TSPAN32: variants seen among roughly 807,000 people sequenced by gnomAD.
TSPAN32 encodes the protein tetraspanin 32, also known as tetraspanin-32.
A neutral mutation model predicts 42.7 loss-of-function variants in TSPAN32; 47 were observed. The ratio of observed to expected loss-of-function variants is 1.10; its 90% CI spans 0.87 to 1.40. The LOEUF is 1.40. Among genes scored for constraint, TSPAN32 ranks in the 40% most tolerant of loss-of-function variants. TSPAN32 has a pLI of 0.00. For missense variants in TSPAN32, 469 were observed against 424.1 expected (o/e 1.11, Z -0.93); for synonymous variants, 175 against 175.9 (o/e 0.99, Z 0.04).
chr11:2,312,539 C>T (rs1404101615), intron 4 of TSPAN32, among the ~76,000 whole-genome samples: 2 of 152,212 alleles, frequency 1.3e-5, no homozygotes, highest in Non-Finnish European at 2.9e-5. Flanking sequence ...CCAAGTTTGG[C>T]CTGGAAAGTC....
rs1055564530 is a variant in TSPAN32 at position 2,313,822 on chromosome 11, G to A, written c.456+67G>A. 3.1e-6 allele frequency: 4 copies of A among 1,289,270 alleles called. No homozygotes were observed. The highest frequency in any genetic ancestry group is 4.3e-6 in the Non-Finnish European group (4 of 925,810). The allele number at this position is 1,289,270 out of a possible 1,614,324, so 79.9% of individuals were successfully genotyped here. ...GCTTGGACTGCAGTTCAGAGAACAG[G>A]CGCAGGGTGGCCAGTGAGAGGTCTG... On this transcript the variant is annotated intron_variant, in intron 5 of 9. Coordinates refer to ENST00000182290, the MANE Select transcript of TSPAN32 (RefSeq NM_139022.3). The surrounding 1 kb of genome is among the most constrained non-coding windows in gnomAD (Gnocchi z 9.1).
intron 3 of TSPAN32, among the ~76,000 whole-genome samples, chr11:2,306,507 C>T (rs773302370): frequency 6.6e-6 from 1 of 151,880 alleles, no homozygotes; most frequent in Non-Finnish European, 1.5e-5. Context: ...CCATCCACCA[C>T]CCAAGATCCT....
chr11:2,312,257 C>G (rs1019190520), intron 4 of TSPAN32, among the ~76,000 whole-genome samples: 6 of 152,220 alleles, frequency 3.9e-5, no homozygotes, highest in Admixed American at 2.6e-4. Flanking sequence ...TCCGAGCCAA[C>G]CCCCGGGCCC....
At chr11:2,308,431 C>T (rs1241157119) in intron 3 of TSPAN32, among the ~76,000 whole-genome samples, 9 of 95,340 alleles carry the variant, frequency 9.4e-5, no homozygotes, top group African/African-American at 3.9e-4. Flanking sequence ...ACCGGCCCCC[C>T]GCAGTGACCA....
chr11:2,316,547 T>C (rs1250024799), intron 7 of TSPAN32, 29 bp from the exon 8 acceptor site: 4 of 1,604,570 alleles, frequency 2.5e-6, no homozygotes, highest in Non-Finnish European at 3.4e-6. Context: ...CCTGGGGCAG[T>C]GGGGCAGCCG....
At position 2,308,684 on chromosome 11, in the gene TSPAN32, GC is replaced by G. The variant is rs562474584; in HGVS notation, c.280-46del. On this transcript the variant is annotated intron_variant, in intron 3 of 9. Coordinates refer to ENST00000182290, the MANE Select transcript of TSPAN32 (RefSeq NM_139022.3). ...GACCGGCCCCCCCCAGCAGCGACCA[GC>G]CCCCCGCAGTGACCAGCCCTCAACA... 4,085 of 689,078 alleles carry G rather than the reference GC, an allele frequency of 5.9e-3. 163 individuals are homozygous for G. The highest frequency in any genetic ancestry group is 0.032 in the Middle Eastern group (69 of 2,176). 42.7% of individuals were successfully genotyped at this position (689,078 alleles called of 1,614,324 possible). A position where few individuals can be genotyped will look rare whatever the true frequency, so the allele number is the denominator to read the frequency against.
rs1847873519 is a variant in TSPAN32 at position 2,303,289 on chromosome 11, ACTGGCCTGGGG to A, written c.181+336_181+346del. ...GGGCTCAGTCCCAGGCAGGCCTGGG[ACTGGCCTGGGG>A]CTGGGCACAGCAGGTCCATGAGGGC... On this transcript the variant is annotated intron_variant, in intron 2 of 9. Coordinates refer to ENST00000182290, the MANE Select transcript of TSPAN32 (RefSeq NM_139022.3). 19 of 217,288 alleles carry A rather than the reference ACTGGCCTGGGG, an allele frequency of 8.7e-5. No individual in the cohort carries two copies. In the South Asian group the frequency reaches 1.0e-3, roughly 12 times the overall value. The allele number at this position is 217,288 out of a possible 1,614,324, so 13.5% of individuals were successfully genotyped here. A position where few individuals can be genotyped will look rare whatever the true frequency, so the allele number is the denominator to read the frequency against.
At chr11:2,306,365 G>A (rs1848088912) in intron 3 of TSPAN32, among the ~76,000 whole-genome samples, 4 of 152,102 alleles carry the variant, frequency 2.6e-5, no homozygotes, top group African/African-American at 7.2e-5. Context: ...GCCGCCCAAG[G>A]AAGCACATTC....
At chr11:2,303,459 G>GAGCCTGCTGGGGCCAC (rs1318967644) in intron 2 of TSPAN32, 1 of 188,430 alleles carries the variant, frequency 5.3e-6, no homozygotes, top group Admixed American at 5.9e-5. Context: ...GCGAGGGCCA[G>GAGCCTGCTGGGGCCAC]AGCCTGCTGG....
rs746432153 is a variant in TSPAN32, at chr11:2,302,860, T to C, written c.83T>C (p.Val28Ala). Residue 28 changes from valine (V) to alanine (A), a missense_variant, in exon 2 of 10, where the codon GTG becomes GCG. Physicochemically the swap from Val to Ala is moderately conservative, Grantham distance 64. Transcript: ENST00000182290. ...CFFILLLGLS[V>A]ATMVTLTYFG... ...TATCCACAGCTGCTGGGCCTCTCTG[T>C]GGCCACCATGGTGACTCTTACCTAC... The C allele has an allele frequency of 2.5e-5, 40 of 1,613,410 alleles. No individual in the cohort carries two copies. Among genetic ancestry groups the C allele is most frequent in the Non-Finnish European group, 3.1e-5 (36 of 1,179,798 alleles).
rs1645755930 is a variant in TSPAN32, at chr11:2,304,750, C to A, written c.279+546C>A. Among the ~76,000 whole-genome samples the A allele has an allele frequency of 6.6e-6, 1 of 152,118 alleles. No homozygotes were observed. Among genetic ancestry groups the A allele is most frequent in the African/African-American group, 2.4e-5 (1 of 41,416 alleles). Reference sequence around the variant, plus strand: ...CGAGGTCCCATAGGCCCCTCCACCCCACCCCATAGCAGTGGCCTCTTGTCA... The same window carrying A: ...CGAGGTCCCATAGGCCCCTCCACCCAACCCCATAGCAGTGGCCTCTTGTCA... On this transcript the variant is annotated intron_variant, in intron 3 of 9. Coordinates refer to ENST00000182290, the MANE Select transcript of TSPAN32 (RefSeq NM_139022.3). This position sits in a 1 kb window ranked among gnomAD's most constrained non-coding sequence, Gnocchi z 4.8.
intron 3 of TSPAN32, among the ~76,000 whole-genome samples, chr11:2,307,312 C>T (rs1848177433): frequency 6.6e-6 from 1 of 152,182 alleles, no homozygotes; most frequent in Non-Finnish European, 1.5e-5. Flanking sequence ...CCCACGGGCA[C>T]CCATGCTCCT....
Position 2,317,615 on chromosome 11 carries a change from G to T in TSPAN32, c.901+90G>T. 6.7e-7 allele frequency: 1 copy of T among 1,499,298 alleles called. No individual in the cohort carries two copies. 92.9% of individuals were successfully genotyped at this position (1,499,298 alleles called of 1,614,324 possible). On this transcript the variant is annotated intron_variant, in intron 9 of 9. Coordinates refer to ENST00000182290, the MANE Select transcript of TSPAN32 (RefSeq NM_139022.3). This position sits in a 1 kb window ranked among gnomAD's most constrained non-coding sequence, Gnocchi z 6.2. Reference sequence around the variant, plus strand: ...GGAAGGGAGTGAAGGCCCAGCCAGAGAGCCAGGCTCCATTGGGAACAGATG... The same window carrying T: ...GGAAGGGAGTGAAGGCCCAGCCAGATAGCCAGGCTCCATTGGGAACAGATG...
At chr11:2,309,583 C>A in intron 4 of TSPAN32, 2 of 304,834 alleles carry the variant, frequency 6.6e-6, no homozygotes, top group Non-Finnish European at 1.4e-5. Context: ...GGCAGGAGAG[C>A]CTGGCAGGTC....
intron 6 of TSPAN32, 68 bp from the exon 7 acceptor site, chr11:2,316,159 CCA>C: frequency 6.6e-7 from 1 of 1,513,576 alleles, no homozygotes; most frequent in South Asian, 1.3e-5. Flanking sequence ...CTCCATGGCC[CCA>C]CAGAGGCCGC....
Position 2,304,001 on chromosome 11 carries a change from G to A in TSPAN32, c.182-106G>A. On this transcript the variant is annotated intron_variant, in intron 2 of 9. Transcript: ENST00000182290. This position sits in a 1 kb window ranked among gnomAD's most constrained non-coding sequence, Gnocchi z 4.8. ...CAGGCCCATTCAGAGCCCCCCAGGA[G>A]TCCCTCACGGCCCCTGACTCCCAAG... 1.2e-6 allele frequency: 1 copy of A among 807,878 alleles called. No homozygotes were observed. The highest frequency in any genetic ancestry group is 2.1e-6 in the Non-Finnish European group (1 of 487,136). 50.0% of individuals were successfully genotyped at this position (807,878 alleles called of 1,614,324 possible). A position where few individuals can be genotyped will look rare whatever the true frequency, so the allele number is the denominator to read the frequency against.
chr11:2,314,661 AC>A, intron 6 of TSPAN32, 90 bp downstream of exon 6: 1 of 1,067,014 alleles, frequency 9.4e-7, no homozygotes, highest in East Asian at 2.6e-5. Context: ...CCATCCTCCC[AC>A]CCCACCCCTT....
intron 4 of TSPAN32, chr11:2,309,535 C>A (rs373427976): frequency 1.1e-5 from 4 of 355,860 alleles, no homozygotes; most frequent in Admixed American, 6.2e-5. Context: ...GGCAGCCGGG[C>A]GGCACCAGGG....
chr11:2,309,160 C>T (rs1263901993), intron 4 of TSPAN32, among the ~76,000 whole-genome samples: 1 of 152,150 alleles, frequency 6.6e-6, no homozygotes, highest in Non-Finnish European at 1.5e-5. Context: ...AAGCCACTGG[C>T]TTGGCCTTAG....
Sources: allele counts gnomAD v4.1 joint callset (sites outside exome capture counted in the v4.1 genomes callset), GRCh38; gene constraint gnomAD v4.1.1; non-coding constraint Gnocchi (gnomAD v3.1); transcripts MANE v1.5; gene names NCBI Gene and HGNC (gene_info 2026-07-23, HGNC 2026-07-21).